The following DLG2 variants were observed in gnomAD, a reference collection of about 807,000 sequenced individuals.
DLG2 encodes the protein disks large homolog 2.
A neutral mutation model predicts 132.5 loss-of-function variants in DLG2; 45 were observed. The ratio of observed to expected loss-of-function variants is 0.34; its 90% CI spans 0.27 to 0.44. The LOEUF is 0.44. DLG2 is among the 20% of genes least tolerant of loss of function. The probability of loss-of-function intolerance (pLI) is 1.00; values close to 1 mark genes in which losing one functional copy is unlikely to be tolerated. For synonymous variants in DLG2, 424 were observed against 419.6 expected (o/e 1.01, Z -0.13); for missense variants, 1,045 against 1,196.9 (o/e 0.87, Z 1.87).
intron 3 of DLG2, among the ~76,000 whole-genome samples, chr11:85,394,335 T>A (rs965378277): frequency 6.6e-6 from 1 of 152,184 alleles, no homozygotes; most frequent in African/African-American, 2.4e-5. Context: ...AAGTGAAAGA[T>A]CTGCTTAAAA....
intron 6 of DLG2, among the ~76,000 whole-genome samples, chr11:84,772,918 T>C (rs1343151737): frequency 6.7e-6 from 1 of 149,278 alleles, no homozygotes; most frequent in African/African-American, 2.5e-5. Flanking sequence ...TCCCCAAAGC[T>C]AAAAGAAGAA....
At chr11:84,396,556 T>A (rs903055064) in intron 7 of DLG2, among the ~76,000 whole-genome samples, 1 of 152,220 alleles carries the variant, frequency 6.6e-6, no homozygotes, top group Non-Finnish European at 1.5e-5. Flanking sequence ...ATCTTTTAGA[T>A]GTTTTGCAAG....
intron 7 of DLG2, among the ~76,000 whole-genome samples, chr11:84,379,636 C>T (rs932319494): frequency 2.0e-5 from 3 of 152,018 alleles, no homozygotes; most frequent in Non-Finnish European, 4.4e-5. Context: ...AACAAATGCA[C>T]ACAGAGACAA....
At chr11:85,055,514 CAG>C (rs947663439) in intron 6 of DLG2, among the ~76,000 whole-genome samples, 1 of 152,116 alleles carries the variant, frequency 6.6e-6, no homozygotes, top group African/African-American at 2.4e-5. Context: ...TGAAGCTGAA[CAG>C]AGAGCTGACA....
chr11:84,009,484 T>C (rs1476965660), intron 11 of DLG2, among the ~76,000 whole-genome samples: 2 of 152,086 alleles, frequency 1.3e-5, no homozygotes, highest in Non-Finnish European at 2.9e-5. Flanking sequence ...TCTTCAATAA[T>C]GAGGTTGTAT....
intron 3 of DLG2, among the ~76,000 whole-genome samples, chr11:85,370,131 C>A (rs550180701): frequency 2.6e-5 from 4 of 152,138 alleles, no homozygotes; most frequent in Non-Finnish European, 5.9e-5. Flanking sequence ...ACGGAACTAA[C>A]CATGCCCTTA....
chr11:84,316,705 A>G (rs2098360196), intron 7 of DLG2: 1 of 1,109,206 alleles, frequency 9.0e-7, no homozygotes, highest in East Asian at 2.6e-5. Context: ...TCTTGGCCTA[A>G]TATTTTACAT....
intron 7 of DLG2, among the ~76,000 whole-genome samples, chr11:84,301,651 CAAAAAA>C (rs753899806): frequency 1.0e-3 from 27 of 26,602 alleles, no homozygotes; most frequent in Non-Finnish European, 1.1e-3. Context: ...AGGCGAGACT[CAAAAAA>C]AAAAAAAAAA....
chr11:84,269,192 G>A (rs1020636252), intron 7 of DLG2, among the ~76,000 whole-genome samples: 1 of 152,162 alleles, frequency 6.6e-6, no homozygotes, highest in African/African-American at 2.4e-5. Flanking sequence ...TTTATTTAAT[G>A]TCTGTCCCCA....
intron 3 of DLG2, among the ~76,000 whole-genome samples, chr11:85,313,529 C>T (rs766394677): frequency 6.6e-6 from 1 of 151,954 alleles, no homozygotes; most frequent in South Asian, 2.1e-4. Context: ...TAATAAACTA[C>T]AATAATGTAA....
At chr11:83,732,458 C>T (rs1290026641) in intron 18 of DLG2, among the ~76,000 whole-genome samples, 2 of 152,280 alleles carry the variant, frequency 1.3e-5, no homozygotes, top group South Asian at 4.1e-4. Context: ...CTTTCTGTAA[C>T]TTCAACATGT....
At chr11:84,411,258 T>G (rs975615891) in intron 7 of DLG2, among the ~76,000 whole-genome samples, 3 of 152,184 alleles carry the variant, frequency 2.0e-5, no homozygotes, top group African/African-American at 7.2e-5. Context: ...AAATTAATAT[T>G]TACCACATTT....
At chr11:84,161,082 A>G (rs1000348598) in intron 9 of DLG2, among the ~76,000 whole-genome samples, 2 of 152,214 alleles carry the variant, frequency 1.3e-5, no homozygotes, top group Non-Finnish European at 2.9e-5. Flanking sequence ...AAGTGAGATG[A>G]GTGAGTGTTT....
intron 22 of DLG2, chr11:83,480,425 G>T: frequency 6.5e-7 from 1 of 1,534,252 alleles, no homozygotes; most frequent in South Asian, 1.2e-5. Context: ...TGCAAGAACA[G>T]CACAGCAAAT....
chr11:84,214,248 T>TATATACATATATATATGA (rs2096801810), intron 8 of DLG2, among the ~76,000 whole-genome samples: 1 of 141,664 alleles, frequency 7.1e-6, no homozygotes, highest in African/African-American at 2.9e-5. Flanking sequence ...TGAATATATA[T>TATATACATATATATATGA]ATACATATAT....
chr11:85,088,816 TAA>T (rs1333128004), intron 6 of DLG2, among the ~76,000 whole-genome samples: 1 of 152,096 alleles, frequency 6.6e-6, no homozygotes, highest in Admixed American at 6.6e-5. Flanking sequence ...AGTCAAAACT[TAA>T]GTCATCCTAA....
chr11:85,325,517 C>T (rs1329634156), intron 3 of DLG2, among the ~76,000 whole-genome samples: 15 of 130,984 alleles, frequency 1.1e-4, no homozygotes, highest in East Asian at 2.5e-4. Flanking sequence ...GGCACACTGA[C>T]ACCTCACACG....
chr11:85,510,524 GAAAA>G (rs1054446189), intron 3 of DLG2, among the ~76,000 whole-genome samples: 1 of 148,336 alleles, frequency 6.7e-6, no homozygotes, highest in South Asian at 2.2e-4. Flanking sequence ...AAATTTACAA[GAAAA>G]AAAAACAAAC....
intron 8 of DLG2, among the ~76,000 whole-genome samples, chr11:84,188,699 T>A (rs1462689920): frequency 6.6e-6 from 1 of 152,142 alleles, no homozygotes; most frequent in Non-Finnish European, 1.5e-5. Context: ...AAATATTCTC[T>A]TTTGCTCCTC....
Sources: gnomAD v4.1 joint callset for allele counts (sites outside exome capture counted in the v4.1 genomes callset) on GRCh38, gnomAD v4.1.1 for gene constraint, MANE v1.5 for transcripts, NCBI Gene and HGNC (gene_info 2026-07-23, HGNC 2026-07-21) for gene names.